CCDC158: variants seen among roughly 807,000 people sequenced by gnomAD.
CCDC158 encodes coiled-coil domain-containing protein 158.
In CCDC158, 116 loss-of-function variants were observed where a neutral mutation model predicts 138.6. The observed-to-expected ratio is 0.84, with a 90% CI of 0.72 to 0.98. The LOEUF (loss-of-function observed/expected upper bound fraction) is 0.98. CCDC158 is among the 50% of genes least tolerant of loss of function. The pLI, the probability that CCDC158 is intolerant of heterozygous loss-of-function variation, is 0.00. For synonymous variants in CCDC158, 436 were observed against 442.4 expected (o/e 0.99, Z 0.18); for missense variants, 1,265 against 1,306.1 (o/e 0.97, Z 0.48).
At chr4:76,401,213 GA>G (rs1163417355) in intron 3 of CCDC158, 2 of 348,636 alleles carry the variant, frequency 5.7e-6, no homozygotes, top group Non-Finnish European at 1.1e-5. Context: ...GAGCTTAAAA[GA>G]AAAACAAACT....
At chr4:76,368,303 C>T (rs1724892893) in intron 11 of CCDC158, among the ~76,000 whole-genome samples, 1 of 152,036 alleles carries the variant, frequency 6.6e-6, no homozygotes, top group Non-Finnish European at 1.5e-5. Context: ...CCAACTTTAC[C>T]TTTAATTCTA....
In CCDC158 at chr4:76,369,599, CCTT is replaced by C; in HGVS notation, c.1171_1173del (p.Lys391del). ...TTCTGCTCCTTCTCCAGACTCAGCT[CCTT>C]CTCCCTTTTGTGTAGATCAGCCTAA... On this transcript the variant is annotated inframe_deletion, in exon 11 of 25. Transcript: ENST00000682701. The C allele has an allele frequency of 3.7e-6, 6 of 1,614,142 alleles. No individual in the cohort carries two copies. The highest frequency in any genetic ancestry group is 5.1e-6 in the Non-Finnish European group (6 of 1,180,010).
At chr4:76,396,745 G>T (rs568740153) in intron 3 of CCDC158, among the ~76,000 whole-genome samples, 160 of 152,034 alleles carry the variant, frequency 1.1e-3, no homozygotes, top group African/African-American at 3.5e-3. Context: ...GTCTGGTCTC[G>T]TACTCCTGAC....
intron 24 of CCDC158, among the ~76,000 whole-genome samples, chr4:76,322,529 C>G (rs2110077816): frequency 6.6e-6 from 1 of 152,260 alleles, no homozygotes; most frequent in Middle Eastern, 3.4e-3. Context: ...TAAATAGCAA[C>G]TATTATTATT....
rs540561714 is a variant in CCDC158 at position 76,421,104 on chromosome 4, G to T, written c.-256C>A. ...CGCCCCTAGGCCCCGCGGAGGCTGC[G>T]GGGCGGCTCCTCCTCCTCGGCTGCG... On this transcript the variant is annotated 5_prime_UTR_variant, in exon 1 of 25. Coordinates refer to ENST00000682701, the MANE Select transcript of CCDC158 (RefSeq NM_001394954.1). Among the ~76,000 whole-genome samples the T allele has an allele frequency of 2.6e-3, 395 of 152,098 alleles. 2 individuals are homozygous for T. Among genetic ancestry groups the T allele is most frequent in the African/African-American group, 8.6e-3 (357 of 41,552 alleles).
At chr4:76,340,320 T>G (rs967204132) in intron 18 of CCDC158, among the ~76,000 whole-genome samples, 6 of 152,192 alleles carry the variant, frequency 3.9e-5, no homozygotes, top group African/African-American at 1.4e-4. Flanking sequence ...GTTTAAGCAT[T>G]ACTTCCCAAC....
intron 15 of CCDC158, 48 bp downstream of exon 15, chr4:76,355,276 C>T: frequency 1.7e-6 from 2 of 1,172,976 alleles, no homozygotes; most frequent in South Asian, 1.2e-5. Flanking sequence ...TCGTGGTCTG[C>T]CTGTGAGTGA....
chr4:76,379,267 A>C, intron 9 of CCDC158, 23 bp downstream of exon 9: 8 of 1,416,712 alleles, frequency 5.6e-6, no homozygotes, highest in South Asian at 1.3e-5. Context: ...CTCTAGAAAC[A>C]GACCAGCAAA....
intron 10 of CCDC158, among the ~76,000 whole-genome samples, chr4:76,370,422 G>T (rs1489956579): frequency 6.6e-6 from 1 of 152,176 alleles, no homozygotes; most frequent in Non-Finnish European, 1.5e-5. Flanking sequence ...AGGTTAGCAG[G>T]GTGATGGATC....
At chr4:76,363,017 G>A (rs1724300880) in intron 12 of CCDC158, among the ~76,000 whole-genome samples, 1 of 152,168 alleles carries the variant, frequency 6.6e-6, no homozygotes, top group South Asian at 2.1e-4. Context: ...TTACAAGGTT[G>A]GCCCTTGACT....
chr4:76,382,703 C>T lies in CCDC158; in HGVS notation c.821G>A (p.Ser274Asn). 1 of 1,610,778 alleles carries T rather than the reference C, an allele frequency of 6.2e-7. No homozygotes were observed. The highest frequency in any genetic ancestry group is 8.5e-7 in the Non-Finnish European group (1 of 1,177,358). ...TCCTGTTATTTCAACTTCATGTTCA[C>T]TTATTAACTGCTCAATCCTATAAAA... ...QHQDRIEQLI[S>N]EHEVEITGLT... The change falls in exon 8 of 25, where the codon AGT becomes AAT. Residue 274 changes from serine (S) to asparagine (N), a missense_variant. By Grantham distance (46) the Ser-to-Asn change is conservative. Coordinates refer to ENST00000682701, the MANE Select transcript of CCDC158 (RefSeq NM_001394954.1).
At chr4:76,313,281 A>G (rs1312923583) in intron 24 of CCDC158, 35 bp from the exon 25 acceptor site, 1 of 1,335,600 alleles carries the variant, frequency 7.5e-7, no homozygotes, top group South Asian at 1.2e-5. Context: ...GAATAACAAA[A>G]TCTACTTAGG....
At chr4:76,361,115 GCT>G (rs560813195) in intron 13 of CCDC158, among the ~76,000 whole-genome samples, 384 of 152,184 alleles carry the variant, frequency 2.5e-3, no homozygotes, top group African/African-American at 8.7e-3. Context: ...CCCTTTGTGT[GCT>G]CTCTCTCTGT....
chr4:76,386,628 GAC>G, intron 4 of CCDC158, among the ~76,000 whole-genome samples: 1 of 85,272 alleles, frequency 1.2e-5, no homozygotes, highest in East Asian at 5.4e-4. Flanking sequence ...CAAGAACCTG[GAC>G]ACCCTCCACC....
intron 12 of CCDC158, among the ~76,000 whole-genome samples, 181 bp downstream of exon 12, chr4:76,367,112 TC>T (rs574373963): frequency 6.3e-4 from 95 of 150,054 alleles, no homozygotes; most frequent in African/African-American, 2.3e-3. Flanking sequence ...AGTCATCCAT[TC>T]CTTCTATAAT....
At chr4:76,351,445 C>T (rs1037072789) in intron 17 of CCDC158, among the ~76,000 whole-genome samples, 9 of 152,138 alleles carry the variant, frequency 5.9e-5, no homozygotes, top group African/African-American at 1.9e-4. Context: ...TGCAGGTACT[C>T]GTAAACTTCA....
At chr4:76,319,041 G>A (rs1219395213) in intron 24 of CCDC158, among the ~76,000 whole-genome samples, 1 of 152,076 alleles carries the variant, frequency 6.6e-6, no homozygotes, top group Non-Finnish European at 1.5e-5. Flanking sequence ...AGGAGGCTGG[G>A]GTGGGCAGAT....
Position 76,384,085 on chromosome 4 carries a change from T to G in CCDC158, c.726+3A>C. On this transcript the variant is annotated splice_donor_region_variant and intron_variant, in intron 6 of 24. Coordinates refer to ENST00000682701, the MANE Select transcript of CCDC158 (RefSeq NM_001394954.1). Reference sequence around the variant, plus strand: ...TTATTTAAGTAGCATTCTCACCACTTACTGGAAATATCCTCCCTTTAAGAT... The same window carrying G: ...TTATTTAAGTAGCATTCTCACCACTGACTGGAAATATCCTCCCTTTAAGAT... 1 of 1,568,876 alleles carries G rather than the reference T, an allele frequency of 6.4e-7. No homozygotes were observed. Among genetic ancestry groups the G allele is most frequent in the Non-Finnish European group, 8.7e-7 (1 of 1,144,918 alleles).
At chr4:76,317,145 G>A (rs1719477048) in intron 24 of CCDC158, among the ~76,000 whole-genome samples, 1 of 151,716 alleles carries the variant, frequency 6.6e-6, no homozygotes, top group Non-Finnish European at 1.5e-5. Context: ...TACTAACATT[G>A]AATGTAAATG....
Sources: gnomAD v4.1 joint callset for allele counts (sites outside exome capture counted in the v4.1 genomes callset) on GRCh38, gnomAD v4.1.1 for gene constraint, MANE v1.5 for transcripts, NCBI Gene and HGNC (gene_info 2026-07-23, HGNC 2026-07-21) for gene names.